TRERF1: variants seen among roughly 807,000 people sequenced by gnomAD.
The protein encoded by TRERF1 is transcriptional-regulating factor 1.
Under a neutral mutation model 122.9 loss-of-function variants are expected in TRERF1, and 27 were observed. The ratio of observed to expected loss-of-function variants is 0.22; its 90% CI spans 0.16 to 0.30. The LOEUF is 0.30. Among genes scored for constraint, TRERF1 ranks in the 10% least tolerant of loss-of-function variants. The pLI, the probability that TRERF1 is intolerant of heterozygous loss-of-function variation, is 1.00. For missense variants in TRERF1, 1,248 were observed against 1,560.3 expected, an observed-to-expected ratio of 0.80 and a Z score of 3.37; for synonymous variants, 636 against 641.7, an observed-to-expected ratio of 0.99 and a Z score of 0.13.
At chr6:42,229,464 C>G (rs1562096102) in intron 17 of TRERF1, among the ~76,000 whole-genome samples, 1 of 152,178 alleles carries the variant, frequency 6.6e-6, no homozygotes, top group African/African-American at 2.4e-5. Context: ...GAAGGATCTG[C>G]CCACACGCAC....
intron 4 of TRERF1, among the ~76,000 whole-genome samples, chr6:42,298,533 G>T (rs927324845): frequency 6.6e-6 from 1 of 151,290 alleles, no homozygotes; most frequent in Non-Finnish European, 1.5e-5. Flanking sequence ...GGTTGAGGGT[G>T]GTGGCTCACG....
At chr6:42,236,788 C>T (rs1772336519) in intron 15 of TRERF1, among the ~76,000 whole-genome samples, 1 of 152,230 alleles carries the variant, frequency 6.6e-6, no homozygotes, top group African/African-American at 2.4e-5. Flanking sequence ...TCTGTCTCCT[C>T]ACAGAGGTGA....
chr6:42,396,415 G>C lies in TRERF1; in HGVS notation c.-453-33336C>G, dbSNP rs115292084. Among the ~76,000 whole-genome samples the C allele has an allele frequency of 6.4e-3, 968 of 151,976 alleles. 7 individuals carry two copies. Among genetic ancestry groups the C allele is most frequent in the African/African-American group, 0.022 (929 of 41,404 alleles). On this transcript the variant is annotated intron_variant, in intron 2 of 17. Coordinates refer to ENST00000372922, the Ensembl canonical transcript of TRERF1. ...GTACTTTGAAGGCAAATAAAAGTGA[G>C]ATATGCATATTACACTAATTTACAC...
chr6:42,246,317 C>T (rs965749037), intron 14 of TRERF1, 139 bp downstream of exon 14: 1 of 694,278 alleles, frequency 1.4e-6, no homozygotes, highest in Middle Eastern at 3.1e-4. Flanking sequence ...CCCCTATCTC[C>T]ACTACCATCC....
At chr6:42,328,004 C>CT (rs36069546) in intron 3 of TRERF1, among the ~76,000 whole-genome samples, 13,770 of 107,860 alleles carry the variant, frequency 0.13, 1,539 homozygotes, top group African/African-American at 0.31. Context: ...TTCTTTCTTT[C>CT]TTTTTTTTTT....
At chr6:42,261,953 C>T (rs1438513331) in intron 8 of TRERF1, among the ~76,000 whole-genome samples, 2 of 152,088 alleles carry the variant, frequency 1.3e-5, no homozygotes, top group Non-Finnish European at 2.9e-5. Context: ...TTCTTGTCTG[C>T]CCCTGTCTTT....
chr6:42,252,498 C>T (rs945101716), intron 13 of TRERF1, among the ~76,000 whole-genome samples: 34 of 152,174 alleles, frequency 2.2e-4, no homozygotes, highest in African/African-American at 8.0e-4. Flanking sequence ...GCCACAGCCA[C>T]AGAGTCAGGA....
intron 3 of TRERF1, among the ~76,000 whole-genome samples, chr6:42,339,836 G>A (rs184003509): frequency 8.5e-5 from 13 of 152,366 alleles, no homozygotes; most frequent in Admixed American, 3.3e-4. Context: ...ACCTGTGGCT[G>A]AGCCCTGGAG....
rs564517550 is a variant in TRERF1, at chr6:42,393,889, G to A, written c.-453-30810C>T. Among the ~76,000 whole-genome samples, 1 of 147,640 alleles carries A rather than the reference G, an allele frequency of 6.8e-6. No individual in the cohort carries two copies. The highest frequency in any genetic ancestry group is 2.1e-4 in the South Asian group (1 of 4,700). The stretch of plus-strand genomic sequence containing the variant: ...CCAGTTCTGTAAAAATGAACAAGCA[G>A]GCAAACTCTCCAATGTATATATGCA... On this transcript the variant is annotated intron_variant, in intron 2 of 17. Coordinates refer to ENST00000372922, the Ensembl canonical transcript of TRERF1. The surrounding 1 kb of genome is among the most constrained non-coding windows in gnomAD (Gnocchi z 4.1).
intron 3 of TRERF1, among the ~76,000 whole-genome samples, chr6:42,317,348 TTTTG>T (rs201001991): frequency 8.6e-5 from 13 of 151,708 alleles, no homozygotes; most frequent in East Asian, 1.9e-4. Flanking sequence ...CCTCAGTAGT[TTTTG>T]TTTGTTTGTT....
chr6:42,243,292 G>T (rs1323477675), exon 15 of TRERF1: 7 of 1,613,912 alleles, frequency 4.3e-6, no homozygotes, highest in African/African-American at 1.3e-5. Flanking sequence ...CGGTGTTTCC[G>T]CCCCAGCCGC....
chr6:42,244,481 G>A (rs1389435946), intron 14 of TRERF1, among the ~76,000 whole-genome samples: 2 of 152,188 alleles, frequency 1.3e-5, no homozygotes. Flanking sequence ...ACTGTGCCTG[G>A]CCTCCAGAAT....
chr6:42,344,828 C>A (rs1001608723), intron 3 of TRERF1, among the ~76,000 whole-genome samples: 1 of 152,192 alleles, frequency 6.6e-6, no homozygotes, highest in African/African-American at 2.4e-5. Context: ...TTTTTTCCCA[C>A]AGCACTTATT....
In TRERF1 at chr6:42,228,391, A is replaced by T; in HGVS notation, c.3557T>A (p.Leu1186Ter). The change falls in exon 18 of 18, where the codon TTG becomes TAG. Residue 1186 changes from leucine (L) to a stop codon, truncating the protein, a stop_gained. Coordinates refer to ENST00000372922, the Ensembl canonical transcript of TRERF1. LOFTEE classifies it high-confidence loss of function. This position sits in a 1 kb window ranked among gnomAD's most constrained non-coding sequence, Gnocchi z 4.2. ...AAGCAAGACTGAATCTTGATCATCC[A>T]AGAGAAGATCGGTGTCCACAACTTC... 1.9e-6 allele frequency: 3 copies of T among 1,614,182 alleles called. 1 individual carries two copies. In the South Asian group the frequency reaches 3.3e-5, roughly 18 times the overall value.
intron 2 of TRERF1, among the ~76,000 whole-genome samples, chr6:42,363,773 A>C (rs1462028062): frequency 1.3e-5 from 2 of 152,166 alleles, no homozygotes; most frequent in Non-Finnish European, 2.9e-5. Context: ...GTTTTCTGCC[A>C]CAAGCCAAGA....
At chr6:42,422,526 A>G (rs1384246966) in intron 2 of TRERF1, among the ~76,000 whole-genome samples, 2 of 144,944 alleles carry the variant, frequency 1.4e-5, no homozygotes, top group African/African-American at 5.2e-5. Context: ...AAAAAAAAAA[A>G]TACAAATCTC....
rs1170734891 is a variant in TRERF1, at chr6:42,246,706, GCTCTGACAC to G, written c.2657-171_2657-163del. On this transcript the variant is annotated intron_variant, in intron 13 of 17. Coordinates refer to ENST00000372922, the Ensembl canonical transcript of TRERF1. The stretch of plus-strand genomic sequence containing the variant: ...AGATAGTGTGATATAATGGTTAGGA[GCTCTGACAC>G]CTGGGTTCAAGTCCCAGCTATGGCC... Among the ~76,000 whole-genome samples, 14 of 152,258 alleles carry G rather than the reference GCTCTGACAC, an allele frequency of 9.2e-5. No homozygotes were observed. The East Asian group carries it at 2.3e-3, about 25-fold the overall frequency.
chr6:42,296,449 C>T (rs1006417174), intron 4 of TRERF1, among the ~76,000 whole-genome samples: 2 of 152,220 alleles, frequency 1.3e-5, no homozygotes, highest in Non-Finnish European at 2.9e-5. Flanking sequence ...TGACCAAGCA[C>T]TGATGATATC....
intron 13 of TRERF1, 64 bp downstream of exon 13, chr6:42,254,787 C>T: frequency 1.3e-6 from 2 of 1,482,724 alleles, no homozygotes; most frequent in Non-Finnish European, 1.9e-6. Context: ...GAAAGTGACA[C>T]AACCGAACAT....
Sources: gnomAD v4.1 joint callset for allele counts (sites outside exome capture counted in the v4.1 genomes callset) on GRCh38, gnomAD v4.1.1 for gene constraint, Gnocchi (gnomAD v3.1) non-coding constraint, MANE v1.5 for transcripts, NCBI Gene and HGNC (gene_info 2026-07-23, HGNC 2026-07-21) for gene names.